Variants in PCDH15 observed in about 807,000 individuals in gnomAD.
The protein encoded by PCDH15 is protocadherin-15.
Under a neutral mutation model 178.5 loss-of-function variants are expected in PCDH15, and 129 were observed. The observed-to-expected ratio is 0.72, with a 90% CI of 0.63 to 0.84. PCDH15 has a LOEUF of 0.84. Among genes scored for constraint, PCDH15 ranks in the 40% least tolerant of loss-of-function variants. The probability of loss-of-function intolerance (pLI) is 0.00; values close to 1 mark genes in which losing one functional copy is unlikely to be tolerated. For synonymous variants in PCDH15, 800 were observed against 732.0 expected (o/e 1.09, Z -1.50); for missense variants, 2,230 against 2,099.9 (o/e 1.06, Z -1.21).
intron 1 of PCDH15, among the ~76,000 whole-genome samples, chr10:54,668,280 G>T (rs771047100): frequency 1.3e-5 from 2 of 151,952 alleles, no homozygotes; most frequent in Non-Finnish European, 2.9e-5. Context: ...ACATAAATAA[G>T]TTATATAAAA....
intron 2 of PCDH15, among the ~76,000 whole-genome samples, chr10:54,548,204 TTA>T (rs1263974423): frequency 6.8e-6 from 1 of 147,790 alleles, no homozygotes; most frequent in Non-Finnish European, 1.5e-5. Context: ...ATGTATATAC[TTA>T]TATATTTTAT....
intron 3 of PCDH15, among the ~76,000 whole-genome samples, chr10:54,488,046 G>T (rs1334342661): frequency 6.6e-6 from 1 of 151,704 alleles, no homozygotes; most frequent in Non-Finnish European, 1.5e-5. Context: ...TTTTAGAAGA[G>T]AACAGCAAAA....
At position 53,885,709 on chromosome 10, in the gene PCDH15, A is replaced by G. The variant is rs537595299; in HGVS notation, c.3501+17534T>C. Among the ~76,000 whole-genome samples the G allele has an allele frequency of 2.6e-5, 4 of 152,296 alleles. 1 individual carries two copies. The South Asian group carries it at 8.3e-4, about 32-fold the overall frequency. On this transcript the variant is annotated intron_variant, in intron 26 of 37. Transcript: ENST00000644397. Reference sequence around the variant, plus strand: ...CCTCACACATTTTAATCTGGTCAGTATTCATATAAGAGAACCAACTATCTC... The same window carrying G: ...CCTCACACATTTTAATCTGGTCAGTGTTCATATAAGAGAACCAACTATCTC...
intron 1 of PCDH15, among the ~76,000 whole-genome samples, chr10:54,768,025 A>G (rs1948707456): frequency 6.6e-6 from 1 of 152,208 alleles, no homozygotes; most frequent in African/African-American, 2.4e-5. Flanking sequence ...TGTTACTAAT[A>G]GGTGAACCTG....
rs546968747 is a variant in PCDH15 at position 55,433,678 on chromosome 10, C to T, written c.-156+193947G>A. Among the ~76,000 whole-genome samples, 403 of 128,110 alleles carry T rather than the reference C, an allele frequency of 3.1e-3. 2 individuals carry two copies. The highest frequency in any genetic ancestry group is 0.01 in the African/African-American group (375 of 36,952). 84.0% of individuals were successfully genotyped at this position (128,110 alleles called of 152,430 possible). A position where few individuals can be genotyped will look rare whatever the true frequency, so the allele number is the denominator to read the frequency against. On this transcript the variant is annotated intron_variant, in intron 2 of 5. Coordinates refer to the PCDH15 transcript ENST00000613346. ...TTTTAATATAATCCAATGTATCATT[C>T]ATTTTTATGATTTATAATTTTTATA... is the stretch of plus-strand genomic sequence containing the variant.
chr10:54,965,782 ATAAAC>A (rs1024713794), intron 2 of PCDH15, among the ~76,000 whole-genome samples: 1 of 151,048 alleles, frequency 6.6e-6, no homozygotes, highest in Admixed American at 6.6e-5. Context: ...CTAAAATAAA[ATAAAC>A]TAATTAATAT....
At chr10:55,181,872 T>C (rs954635238) in intron 1 of PCDH15, among the ~76,000 whole-genome samples, 22 of 151,982 alleles carry the variant, frequency 1.4e-4, no homozygotes, top group African/African-American at 5.3e-4. Flanking sequence ...ATGTTAGATG[T>C]CTCAGAAGAA....
chr10:54,050,629 T>C lies in PCDH15; in HGVS notation c.2220+16128A>G, dbSNP rs114313708. On this transcript the variant is annotated intron_variant, in intron 18 of 37. Coordinates refer to ENST00000644397, the MANE Select transcript of PCDH15 (RefSeq NM_001384140.1). ...TAAGGGGTTTTGTTTGTTTGTTTGTTTGTTTTTCCCTAGATCTTCCAGGCA... is the reference window on the plus strand; with the variant it reads ...TAAGGGGTTTTGTTTGTTTGTTTGTCTGTTTTTCCCTAGATCTTCCAGGCA... 7.0e-3 allele frequency among the ~76,000 whole-genome samples: 1,070 copies of C among 152,270 alleles called. 11 individuals carry two copies. The highest frequency in any genetic ancestry group is 0.024 in the African/African-American group (1,006 of 41,542).
chr10:55,617,746 CTGAT>C (rs1239626334), intron 2 of PCDH15, among the ~76,000 whole-genome samples: 3 of 152,090 alleles, frequency 2.0e-5, no homozygotes, highest in African/African-American at 7.2e-5. Flanking sequence ...ATTGGGAAAA[CTGAT>C]TACATTACAT....
Position 53,831,440 on chromosome 10 carries a change from T to C in PCDH15, c.4077A>G (p.Ala1359=), listed in dbSNP as rs140813069. The part of the protein sequence containing the change: ...GRILEIRTPE[A]VTSIKKRGES... ...CTCCTCTCTTTTTAATGCTGGTCAC[T>C]GCCTCTGGAGTCCGGATCTCCAGAA... The change falls in exon 30 of 38, where the codon GCA becomes GCG. Residue 1359 remains alanine, a synonymous_variant. Coordinates refer to ENST00000644397, the MANE Select transcript of PCDH15 (RefSeq NM_001384140.1). 25 of 1,614,188 alleles carry C rather than the reference T, an allele frequency of 1.5e-5. No homozygotes were observed. Among genetic ancestry groups the C allele is most frequent in the African/African-American group, 9.3e-5 (7 of 75,050 alleles).
At chr10:55,173,138 A>T (rs1027714074) in intron 1 of PCDH15, among the ~76,000 whole-genome samples, 7 of 149,874 alleles carry the variant, frequency 4.7e-5, no homozygotes, top group African/African-American at 7.3e-5. Flanking sequence ...ATTGGCAATT[A>T]AAAAAAACAC....
intron 2 of PCDH15, among the ~76,000 whole-genome samples, chr10:55,509,114 A>C (rs1054447695): frequency 1.3e-5 from 2 of 151,824 alleles, no homozygotes; most frequent in African/African-American, 4.8e-5. Context: ...TAAGGCAAAG[A>C]GAGATAAGTC....
At chr10:55,569,975 ACATAATG>A (rs1305328130) in intron 2 of PCDH15, among the ~76,000 whole-genome samples, 2 of 151,950 alleles carry the variant, frequency 1.3e-5, no homozygotes, top group Non-Finnish European at 2.9e-5. Flanking sequence ...ATTTTTCCCT[ACATAATG>A]CAAAAACACA....
chr10:53,981,853 A>C (rs2134626291), intron 21 of PCDH15, among the ~76,000 whole-genome samples: 1 of 150,926 alleles, frequency 6.6e-6, no homozygotes, highest in Non-Finnish European at 1.5e-5. Flanking sequence ...TCTGCACAGC[A>C]AAAGAAACTA....
At chr10:53,938,568 G>T (rs1227132373) in intron 25 of PCDH15, among the ~76,000 whole-genome samples, 1 of 151,986 alleles carries the variant, frequency 6.6e-6, no homozygotes, top group Non-Finnish European at 1.5e-5. Context: ...GACAATGGTG[G>T]TATTTTAACA....
intron 19 of PCDH15, among the ~76,000 whole-genome samples, chr10:54,022,032 C>T (rs376801505): frequency 2.1e-4 from 32 of 151,974 alleles, no homozygotes; most frequent in Middle Eastern, 3.4e-3. Context: ...ATGTTTATTG[C>T]TGAGTTCAAT....
At chr10:54,414,162 A>C (rs1003870094) in intron 3 of PCDH15, among the ~76,000 whole-genome samples, 1 of 152,184 alleles carries the variant, frequency 6.6e-6, no homozygotes, top group African/African-American at 2.4e-5. Context: ...CCATGTACTC[A>C]TAGGAGATAT....
At chr10:54,796,555 A>G (rs1952036603) in intron 1 of PCDH15, among the ~76,000 whole-genome samples, 1 of 151,258 alleles carries the variant, frequency 6.6e-6, no homozygotes, top group South Asian at 2.1e-4. Context: ...CTCTGCTTCT[A>G]CCTTTCTGTC....
chr10:54,035,842 G>T (rs1024115407), intron 18 of PCDH15, among the ~76,000 whole-genome samples: 1 of 151,928 alleles, frequency 6.6e-6, no homozygotes, highest in Non-Finnish European at 1.5e-5. Flanking sequence ...CATTGTGAAC[G>T]CAATGGAAAA....
Sources: gnomAD v4.1 joint callset for allele counts (sites outside exome capture counted in the v4.1 genomes callset) on GRCh38, gnomAD v4.1.1 for gene constraint, MANE v1.5 for transcripts, NCBI Gene and HGNC (gene_info 2026-07-23, HGNC 2026-07-21) for gene names.